Variants in GLIS3 observed in about 807,000 individuals in gnomAD.
The protein encoded by GLIS3 is GLIS family zinc finger 3.
In GLIS3, 53 loss-of-function variants were observed where a neutral mutation model predicts 78.6. That is an observed-to-expected ratio of 0.67 (90% CI 0.54 to 0.85). The LOEUF is 0.85. GLIS3 is among the 40% of genes least tolerant of loss of function. GLIS3 has a pLI of 0.00. For missense variants in GLIS3, 1,703 were observed against 1,231.1 expected, an observed-to-expected ratio of 1.38 and a Z score of -5.74; for synonymous variants, 684 against 509.9, an observed-to-expected ratio of 1.34 and a Z score of -4.60.
At chr9:4,177,011 T>C (rs567603331) in intron 2 of GLIS3, among the ~76,000 whole-genome samples, 1 of 152,350 alleles carries the variant, frequency 6.6e-6, no homozygotes, top group African/African-American at 2.4e-5. Context: ...ATCAGTACAT[T>C]TAACCCCTGA....
chr9:4,413,521 T>G, the GLIS3 span, among the ~76,000 whole-genome samples: 2 of 152,136 alleles, frequency 1.3e-5, no homozygotes, highest in Admixed American at 1.3e-4. Context: ...AAGCTCCAGT[T>G]TCCACCTCTA....
intron 2 of GLIS3, among the ~76,000 whole-genome samples, chr9:4,231,674 C>G (rs1211952930): frequency 6.6e-6 from 1 of 152,162 alleles, no homozygotes; most frequent in South Asian, 2.1e-4. Context: ...ATGTAAAAAT[C>G]TTCAAAGTTC....
chr9:4,326,652 G>C (rs541082313), intron 2 of GLIS3, among the ~76,000 whole-genome samples: 96 of 151,992 alleles, frequency 6.3e-4, no homozygotes, highest in Admixed American at 2.2e-3. Context: ...TGTTCTTAAC[G>C]TCATGAAACT....
At chr9:4,406,478 G>A in the GLIS3 span, among the ~76,000 whole-genome samples, 1 of 152,048 alleles carries the variant, frequency 6.6e-6, no homozygotes, top group South Asian at 2.1e-4. Context: ...CCACCACCAG[G>A]CCTGGCTAAT....
intron 2 of GLIS3, chr9:4,152,285 C>T (rs1053929469): frequency 1.2e-4 from 21 of 174,720 alleles, no homozygotes; most frequent in African/African-American, 4.3e-4. Context: ...GAATACACGA[C>T]GGGGTTGCCA....
chr9:4,122,743 T>G (rs1436476735), intron 3 of GLIS3, among the ~76,000 whole-genome samples: 2 of 152,258 alleles, frequency 1.3e-5, no homozygotes, highest in Non-Finnish European at 2.9e-5. Context: ...AGGTGGCATC[T>G]GAGTAGAATG....
chr9:4,122,362 A>T (rs1188931171), intron 3 of GLIS3, among the ~76,000 whole-genome samples: 1 of 152,206 alleles, frequency 6.6e-6, no homozygotes, highest in Non-Finnish European at 1.5e-5. Flanking sequence ...CCCCTAAAAG[A>T]ATTAGTACTG....
intron 2 of GLIS3, among the ~76,000 whole-genome samples, chr9:4,215,855 C>T (rs1041015036): frequency 6.6e-6 from 1 of 152,162 alleles, no homozygotes; most frequent in Non-Finnish European, 1.5e-5. Flanking sequence ...AAGAAAGGCA[C>T]ACTCAGTAGT....
In GLIS3 at chr9:4,081,683, T is replaced by C. The variant is rs73392531; in HGVS notation, c.1710+36085A>G. Among the ~76,000 whole-genome samples, 1,518 of 152,222 alleles carry C rather than the reference T, an allele frequency of 1.0e-2. 29 individuals carry two copies. The highest frequency in any genetic ancestry group is 0.035 in the African/African-American group (1,451 of 41,506). On this transcript the variant is annotated intron_variant, in intron 4 of 10. Coordinates refer to ENST00000381971, the MANE Select transcript of GLIS3 (RefSeq NM_001042413.2). ...AACCAGCCTATCGTGACTAATACATTTCCCCAACTAGACTATAAACTCCTC... is the reference window on the plus strand; with the variant it reads ...AACCAGCCTATCGTGACTAATACATCTCCCCAACTAGACTATAAACTCCTC...
At chr9:4,453,824 A>G in the GLIS3 span, among the ~76,000 whole-genome samples, 1 of 152,080 alleles carries the variant, frequency 6.6e-6, no homozygotes, top group Non-Finnish European at 1.5e-5. Context: ...CAGGGTGGGG[A>G]ACATCACACA....
At chr9:4,131,016 G>A (rs900919859) in intron 2 of GLIS3, among the ~76,000 whole-genome samples, 2 of 152,224 alleles carry the variant, frequency 1.3e-5, no homozygotes, top group Non-Finnish European at 2.9e-5. Flanking sequence ...GTGAAACAAG[G>A]AGTTAAAGGA....
At chr9:4,246,122 A>G (rs1587129300) in intron 2 of GLIS3, among the ~76,000 whole-genome samples, 1 of 152,168 alleles carries the variant, frequency 6.6e-6, no homozygotes, top group Non-Finnish European at 1.5e-5. Flanking sequence ...CATGCCTGTA[A>G]TCCCAGCACT....
At chr9:4,182,206 G>A (rs10814861) in intron 2 of GLIS3, among the ~76,000 whole-genome samples, 42,400 of 152,066 alleles carry the variant, frequency 0.28, 6,999 homozygotes, top group South Asian at 0.52. Context: ...GTGCCATCTG[G>A]CTGAGTTCTG....
the GLIS3 span, among the ~76,000 whole-genome samples, chr9:4,358,995 C>G: frequency 6.6e-6 from 1 of 152,170 alleles, no homozygotes; most frequent in Admixed American, 6.5e-5. Flanking sequence ...CCATCCTCAG[C>G]AATCCCAACT....
chr9:4,260,663 T>G (rs748311526), intron 2 of GLIS3, among the ~76,000 whole-genome samples: 2 of 152,056 alleles, frequency 1.3e-5, no homozygotes, highest in African/African-American at 4.8e-5. Context: ...CAAGAATCTG[T>G]TGAACCCGGG....
chr9:4,257,924 G>C (rs1422664161), intron 2 of GLIS3, among the ~76,000 whole-genome samples: 1 of 151,940 alleles, frequency 6.6e-6, no homozygotes, highest in Non-Finnish European at 1.5e-5. Flanking sequence ...TACATTTTAA[G>C]TATATACAAC....
intron 4 of GLIS3, among the ~76,000 whole-genome samples, chr9:3,987,761 C>CA (rs60986898): frequency 0.011 from 115 of 10,450 alleles, 6 homozygotes; most frequent in East Asian, 0.023. Flanking sequence ...CTGGATTTGG[C>CA]AAAAAAAAAA....
rs556004855 is a variant in GLIS3 at position 3,913,367 on chromosome 9, G to A, written c.1984-14532C>T. On this transcript the variant is annotated intron_variant, in intron 6 of 10. Transcript: ENST00000381971. ...AACAGTCAGTATAGTTTTTCTCCTC[G>A]TTCAAAGCCCTTTAGTGACTCTCCC... Among the ~76,000 whole-genome samples the A allele has an allele frequency of 1.2e-4, 19 of 152,158 alleles. No homozygotes were observed. In the East Asian group the frequency reaches 1.9e-3, roughly 15 times the overall value.
At chr9:4,445,768 C>T in the GLIS3 span, among the ~76,000 whole-genome samples, 11 of 152,162 alleles carry the variant, frequency 7.2e-5, no homozygotes, top group African/African-American at 1.9e-4. Flanking sequence ...TGCAGATGTC[C>T]GAATCCTTCT....
Sources: allele counts gnomAD v4.1 joint callset (sites outside exome capture counted in the v4.1 genomes callset), GRCh38; gene constraint gnomAD v4.1.1; transcripts MANE v1.5; gene names NCBI Gene and HGNC (gene_info 2026-07-23, HGNC 2026-07-21).